MAOA: variants seen among roughly 807,000 people sequenced by gnomAD.
MAOA encodes the protein amine oxidase [flavin-containing] A.
In MAOA, 6 loss-of-function variants were observed where a neutral mutation model predicts 42.0. The observed-to-expected ratio is 0.14, with a 90% CI of 0.08 to 0.28. MAOA has a LOEUF of 0.28. Ranked by LOEUF, MAOA falls within the 10% of genes least tolerant of loss-of-function variation. MAOA has a pLI of 1.00. For synonymous variants in MAOA, 140 were observed against 154.0 expected, an observed-to-expected ratio of 0.91 and a Z score of 0.67; for missense variants, 262 against 422.3, an observed-to-expected ratio of 0.62 and a Z score of 3.33.
intron 1 of MAOA, among the ~76,000 whole-genome samples, chrX:43,670,666 C>T (rs1445754445): frequency 4.2e-5 from 4 of 94,148 alleles, no homozygotes; most frequent in Non-Finnish European, 8.2e-5. Flanking sequence ...TCTCATTGTT[C>T]AATTCACACC....
At chrX:43,666,091 C>G (rs1220778659) in intron 1 of MAOA, among the ~76,000 whole-genome samples, 2 of 112,059 alleles carry the variant, frequency 1.8e-5, no homozygotes, top group East Asian at 2.8e-4. Flanking sequence ...CCCTGTTGCC[C>G]TCATCCACAT....
rs2033805266 is a variant in MAOA at position 43,723,190 on chromosome X, A to G, written c.504-4983A>G. On this transcript the variant is annotated intron_variant, in intron 5 of 14. Transcript: ENST00000338702. ...ATGCGGGCTCTTTTTTTGGTTCCAT[A>G]TGAAGTTTAAAGTAGTTTTTTCCAA... 5.4e-5 allele frequency among the ~76,000 whole-genome samples: 6 copies of G among 111,415 alleles called. No homozygotes were observed. The South Asian group carries it at 2.3e-3, about 42-fold the overall frequency.
chrX:43,664,595 A>G (rs1320360290), intron 1 of MAOA, among the ~76,000 whole-genome samples: 1 of 112,157 alleles, frequency 8.9e-6, no homozygotes, highest in Non-Finnish European at 1.9e-5. Context: ...AATGTAATGA[A>G]GATGACCTTT....
At chrX:43,719,158 G>A (rs950456187) in intron 5 of MAOA, among the ~76,000 whole-genome samples, 1 of 111,102 alleles carries the variant, frequency 9.0e-6, no homozygotes, top group African/African-American at 3.3e-5. Flanking sequence ...TATCTTTCAG[G>A]AATGTGGTAT....
At chrX:43,743,936 C>T (rs1196989256) in intron 13 of MAOA, 31 bp downstream of exon 13, 1 of 1,168,881 alleles carries the variant, frequency 8.6e-7, no homozygotes, top group East Asian at 3.2e-5. Flanking sequence ...TCTCTCCCTC[C>T]CGAGTCACGG....
chrX:43,703,565 C>T (rs1299367052), intron 3 of MAOA, among the ~76,000 whole-genome samples: 8 of 112,155 alleles, frequency 7.1e-5, no homozygotes, highest in African/African-American at 1.9e-4. Flanking sequence ...TCTATTTCAT[C>T]GCATATTTTC....
At chrX:43,675,745 G>A in intron 1 of MAOA, among the ~76,000 whole-genome samples, 1 of 112,179 alleles carries the variant, frequency 8.9e-6, no homozygotes. Context: ...AGCAGTGGCT[G>A]CAGAACAGCG....
chrX:43,706,518 G>A (rs2033660150), intron 3 of MAOA, among the ~76,000 whole-genome samples: 1 of 110,454 alleles, frequency 9.1e-6, no homozygotes, highest in Non-Finnish European at 1.9e-5. Context: ...GGCACAGTGG[G>A]TCATGCCTGT....
intron 1 of MAOA, among the ~76,000 whole-genome samples, chrX:43,682,915 A>G (rs2033455466): frequency 8.9e-6 from 1 of 112,125 alleles, no homozygotes; most frequent in Non-Finnish European, 1.9e-5. Flanking sequence ...AAGGCTTTTA[A>G]TTACAGGTGG....
At position 43,680,030 on chromosome X, in the gene MAOA, T is replaced by C. The variant is rs778140770; in HGVS notation, c.74-3483T>C. On this transcript the variant is annotated intron_variant, in intron 1 of 14. Coordinates refer to ENST00000338702, the MANE Select transcript of MAOA (RefSeq NM_000240.4). ...TTGAGTTTATTTAACTGTCAGGGGA[T>C]GGCTTTTCTTTGTGAGCTGATTCCA... Among the ~76,000 whole-genome samples, 8 of 112,169 alleles carry C rather than the reference T, an allele frequency of 7.1e-5. No individual in the cohort carries two copies. The Admixed American group carries it at 7.6e-4, about 11-fold the overall frequency.
chrX:43,723,483 C>T (rs759784414), intron 5 of MAOA, among the ~76,000 whole-genome samples: 2 of 111,306 alleles, frequency 1.8e-5, no homozygotes, highest in Non-Finnish European at 3.8e-5. Context: ...TGATTTGGCT[C>T]TCTGTCTGTT....
intron 1 of MAOA, among the ~76,000 whole-genome samples, chrX:43,665,426 A>C: frequency 9.0e-6 from 1 of 111,210 alleles, no homozygotes; most frequent in East Asian, 2.8e-4. Flanking sequence ...GTTCCGTAAA[A>C]CATTTAGGGA....
intron 10 of MAOA, 115 bp from the exon 11 acceptor site, chrX:43,740,566 T>G: frequency 1.8e-6 from 1 of 568,952 alleles, no homozygotes; most frequent in Non-Finnish European, 2.6e-6. Flanking sequence ...TTTTAATTTA[T>G]CTGTAATAAA....
rs187828238 is a variant in MAOA, at chrX:43,682,039, G to A, written c.74-1474G>A. On this transcript the variant is annotated intron_variant, in intron 1 of 14. Transcript: ENST00000338702. ...TGGGACTACAGGTGCCCACCACCAT[G>A]CCCAGCTAATTTTTTGTATTTTTAG... Among the ~76,000 whole-genome samples the A allele has an allele frequency of 3.6e-3, 396 of 109,796 alleles. 2 individuals carry two copies. The highest frequency in any genetic ancestry group is 0.013 in the African/African-American group (380 of 30,138).
intron 10 of MAOA, among the ~76,000 whole-genome samples, chrX:43,738,503 A>C (rs1408863688): frequency 8.9e-6 from 1 of 111,905 alleles, no homozygotes; most frequent in Admixed American, 9.5e-5. Flanking sequence ...TGCTTTAATA[A>C]AAATTTTATT....
intron 10 of MAOA, among the ~76,000 whole-genome samples, chrX:43,738,477 A>G (rs2033937101): frequency 9.0e-6 from 1 of 111,647 alleles, no homozygotes; most frequent in East Asian, 2.8e-4. Context: ...GGTTGATTGG[A>G]TTTCAGGTTT....
intron 5 of MAOA, among the ~76,000 whole-genome samples, chrX:43,718,304 CAG>C (rs2033760858): frequency 1.0e-5 from 1 of 99,937 alleles, no homozygotes; most frequent in African/African-American, 3.9e-5. Flanking sequence ...GTGGGGGAGA[CAG>C]GGTACATTGG....
Position 43,732,959 on chromosome X carries a change from T to C in MAOA, c.1052+164T>C, listed in dbSNP as rs977787274. Among the ~76,000 whole-genome samples the C allele has an allele frequency of 2.7e-5, 3 of 112,540 alleles. No homozygotes were observed. In the Admixed American group the frequency reaches 2.8e-4, roughly 11 times the overall value. Reference sequence around the variant, plus strand: ...TAAAATATTGCAGTAATGTTTCGTATGTAGCACAAGAATACTGGGAAACTT... The same window carrying C: ...TAAAATATTGCAGTAATGTTTCGTACGTAGCACAAGAATACTGGGAAACTT... On this transcript the variant is annotated intron_variant, in intron 9 of 14. Transcript: ENST00000338702.
intron 5 of MAOA, among the ~76,000 whole-genome samples, chrX:43,721,354 G>A (rs1360294756): frequency 8.9e-6 from 1 of 111,738 alleles, no homozygotes; most frequent in African/African-American, 3.3e-5. Context: ...GGTATAAGGG[G>A]AGTTTGCAGG....
Sources: allele counts gnomAD v4.1 joint callset (sites outside exome capture counted in the v4.1 genomes callset), GRCh38; gene constraint gnomAD v4.1.1; transcripts MANE v1.5; gene names NCBI Gene and HGNC (gene_info 2026-07-23, HGNC 2026-07-21).